The following FIG4 variants were observed in gnomAD, a reference collection of about 807,000 sequenced individuals.
FIG4 encodes FIG4 phosphoinositide 5-phosphatase.
In FIG4, 112 loss-of-function variants were observed where a neutral mutation model predicts 118.6. The observed-to-expected ratio is 0.94, with a 90% CI of 0.81 to 1.11. FIG4 has a LOEUF of 1.11. Among genes scored for constraint, FIG4 ranks in the 50% least tolerant of loss-of-function variants. The probability of loss-of-function intolerance (pLI) is 0.00; values close to 1 mark genes in which losing one functional copy is unlikely to be tolerated. For synonymous variants in FIG4, 369 were observed against 381.2 expected, an observed-to-expected ratio of 0.97 and a Z score of 0.37; for missense variants, 969 against 1,111.7, an observed-to-expected ratio of 0.87 and a Z score of 1.83.
Position 109,760,231 on chromosome 6 carries a change from T to C in FIG4, c.1138-19T>C, listed in dbSNP as rs1777060468. ...TTTAAGGAAATTAGAACACTGAAAA[T>C]GTTTAATTTTTGATAAAGGAACGAG... On this transcript the variant is annotated intron_variant, in intron 10 of 22. Coordinates refer to ENST00000230124, the MANE Select transcript of FIG4 (RefSeq NM_014845.6). 6.2e-7 allele frequency: 1 copy of C among 1,605,806 alleles called. No individual in the cohort carries two copies. Among genetic ancestry groups the C allele is most frequent in the Non-Finnish European group, 8.5e-7 (1 of 1,172,662 alleles).
At chr6:109,806,735 A>G (rs1364134928) in intron 22 of FIG4, among the ~76,000 whole-genome samples, 2 of 152,034 alleles carry the variant, frequency 1.3e-5, no homozygotes, top group African/African-American at 2.4e-5. Flanking sequence ...TCAACCCATC[A>G]TCTACATTAG....
Position 109,801,038 on chromosome 6 carries a change from C to G in FIG4, c.2546+4187C>G, listed in dbSNP as rs556111613. 2.6e-5 allele frequency among the ~76,000 whole-genome samples: 4 copies of G among 152,278 alleles called. No individual in the cohort carries two copies. The South Asian group carries it at 8.3e-4, about 32-fold the overall frequency. ...TTCTCATTTTACACTCCTACCAGTT[C>G]TTGAGAGATTTTAACTAAGCCAATC... On this transcript the variant is annotated intron_variant, in intron 22 of 22. Transcript: ENST00000230124.
intron 15 of FIG4, among the ~76,000 whole-genome samples, chr6:109,770,599 C>G (rs954715526): frequency 1.3e-5 from 2 of 151,986 alleles, no homozygotes; most frequent in African/African-American, 4.8e-5. Context: ...CAGGAAACAT[C>G]GTGCCATTAT....
chr6:109,820,098 A>G (rs921384508), intron 22 of FIG4, among the ~76,000 whole-genome samples: 3 of 152,174 alleles, frequency 2.0e-5, no homozygotes, highest in Admixed American at 1.3e-4. Context: ...GCTCCCAGGC[A>G]GGTACTGGTC....
At chr6:109,754,667 G>C (rs1242323523) in intron 10 of FIG4, among the ~76,000 whole-genome samples, 2 of 152,090 alleles carry the variant, frequency 1.3e-5, no homozygotes, top group Non-Finnish European at 2.9e-5. Context: ...GTTTAGTCTT[G>C]GGAGGGTGTA....
chr6:109,742,808 T>G (rs1478564499), intron 8 of FIG4, among the ~76,000 whole-genome samples: 1 of 152,092 alleles, frequency 6.6e-6, no homozygotes, highest in African/African-American at 2.4e-5. Context: ...TAATTGTCAT[T>G]TCTTTCCCTC....
intron 3 of FIG4, among the ~76,000 whole-genome samples, chr6:109,724,405 A>T (rs1775722226): frequency 6.6e-6 from 1 of 152,176 alleles, no homozygotes; most frequent in African/African-American, 2.4e-5. Flanking sequence ...GCATTCTTCT[A>T]GTTTGTAAAG....
chr6:109,730,533 C>T (rs1387857287), intron 4 of FIG4, among the ~76,000 whole-genome samples: 1 of 152,100 alleles, frequency 6.6e-6, no homozygotes, highest in East Asian at 1.9e-4. Context: ...TTAAGATAAT[C>T]AGGTAGTAAG....
chr6:109,806,617 G>T (rs1465135900), intron 22 of FIG4, among the ~76,000 whole-genome samples: 1 of 151,518 alleles, frequency 6.6e-6, no homozygotes, highest in East Asian at 1.9e-4. Context: ...AGTTCATTCA[G>T]GTTACTTTTT....
intron 15 of FIG4, among the ~76,000 whole-genome samples, chr6:109,769,055 C>A (rs1301059806): frequency 6.6e-6 from 1 of 151,334 alleles, no homozygotes. Context: ...CTCCTGTGGT[C>A]GTTGTCCCTG....
At chr6:109,766,363 G>A (rs1042032526) in intron 14 of FIG4, among the ~76,000 whole-genome samples, 1 of 152,216 alleles carries the variant, frequency 6.6e-6, no homozygotes, top group African/African-American at 2.4e-5. Context: ...CGTGACAGGA[G>A]CATATTCTTT....
At chr6:109,797,102 A>C (rs1360431519) in intron 22 of FIG4, among the ~76,000 whole-genome samples, 2 of 152,012 alleles carry the variant, frequency 1.3e-5, no homozygotes, top group African/African-American at 4.8e-5. Context: ...CCAACCATGA[A>C]CTCTGCCCTC....
At chr6:109,789,185 T>C (rs1198072123) in intron 18 of FIG4, among the ~76,000 whole-genome samples, 1 of 152,238 alleles carries the variant, frequency 6.6e-6, no homozygotes, top group Non-Finnish European at 1.5e-5. Context: ...TGAGAACTAA[T>C]CATGATATAT....
At chr6:109,825,056 A>G (rs1425412399) in intron 22 of FIG4, 32 bp from the exon 23 acceptor site, 11 of 1,599,500 alleles carry the variant, frequency 6.9e-6, no homozygotes, top group Non-Finnish European at 8.6e-6. Context: ...TATTTTCTTT[A>G]ATGCAGCCCT....
At chr6:109,819,937 T>C (rs544135414) in intron 22 of FIG4, among the ~76,000 whole-genome samples, 49 of 152,302 alleles carry the variant, frequency 3.2e-4, no homozygotes, top group Non-Finnish European at 6.0e-4. Context: ...GTCCCTACCA[T>C]ATGCCAAGGA....
intron 5 of FIG4, among the ~76,000 whole-genome samples, 184 bp downstream of exon 5, chr6:109,732,871 G>A (rs569648200): frequency 1.3e-5 from 2 of 151,870 alleles, no homozygotes; most frequent in African/African-American, 4.8e-5. Flanking sequence ...AAATCCAAAT[G>A]GATAAATTAA....
intron 16 of FIG4, among the ~76,000 whole-genome samples, chr6:109,783,903 G>T (rs1232480435): frequency 6.6e-6 from 1 of 152,188 alleles, no homozygotes; most frequent in African/African-American, 2.4e-5. Flanking sequence ...TGTTAGAACA[G>T]TGATTTGCCC....
intron 22 of FIG4, among the ~76,000 whole-genome samples, chr6:109,808,643 A>T (rs1778637933): frequency 6.6e-6 from 1 of 152,116 alleles, no homozygotes. Context: ...CCAAACACCA[A>T]TTGAAATAAT....
intron 22 of FIG4, among the ~76,000 whole-genome samples, chr6:109,822,396 C>G (rs1779029317): frequency 6.6e-6 from 1 of 152,070 alleles, no homozygotes. Flanking sequence ...AAATCTGAAA[C>G]ACAGTAGTTT....
Sources: allele counts gnomAD v4.1 joint callset (sites outside exome capture counted in the v4.1 genomes callset), GRCh38; gene constraint gnomAD v4.1.1; transcripts MANE v1.5; gene names NCBI Gene and HGNC (gene_info 2026-07-23, HGNC 2026-07-21).